The following TYW1 variants were observed in gnomAD, a reference collection of about 807,000 sequenced individuals.
TYW1 encodes the protein S-adenosyl-L-methionine-dependent tRNA 4-demethylwyosine synthase TYW1.
In TYW1, 46 loss-of-function variants were observed where a neutral mutation model predicts 96.2. That is an observed-to-expected ratio of 0.48 (90% CI 0.38 to 0.61). TYW1 has a LOEUF of 0.61. TYW1 is among the 20% of genes least tolerant of loss of function. The pLI is 0.00. For synonymous variants in TYW1, 274 were observed against 323.0 expected, an observed-to-expected ratio of 0.85 and a Z score of 1.63; for missense variants, 684 against 909.6, an observed-to-expected ratio of 0.75 and a Z score of 3.19.
intron 13 of TYW1, among the ~76,000 whole-genome samples, chr7:67,143,635 C>T (rs537547167): frequency 4.1e-4 from 62 of 152,148 alleles, no homozygotes; most frequent in African/African-American, 1.5e-3. Context: ...AGCATGGGGT[C>T]AGATGGGGAG....
chr7:67,238,240 T>C, intron 15 of TYW1, 68 bp from the exon 16 acceptor site: 1 of 1,578,106 alleles, frequency 6.3e-7, no homozygotes, highest in South Asian at 1.2e-5. Context: ...TTCATGATTT[T>C]AAAAACATTC....
chr7:67,214,252 T>G (rs1387614851), intron 15 of TYW1, among the ~76,000 whole-genome samples: 1 of 152,208 alleles, frequency 6.6e-6, no homozygotes, highest in Non-Finnish European at 1.5e-5. Flanking sequence ...CAATTTTTGA[T>G]GCTAATGTAA....
intron 12 of TYW1, among the ~76,000 whole-genome samples, chr7:67,102,294 C>G (rs537947630): frequency 1.7e-3 from 253 of 152,276 alleles, no homozygotes; most frequent in Non-Finnish European, 2.7e-3. Flanking sequence ...AAAATGCCGG[C>G]CACATTTGGT....
intron 9 of TYW1, among the ~76,000 whole-genome samples, chr7:67,062,566 C>CAAA (rs56770876): frequency 3.0e-4 from 27 of 89,162 alleles, no homozygotes; most frequent in African/African-American, 4.5e-4. Context: ...GACTCCGTCT[C>CAAA]AAAAAAAAAA....
At chr7:67,087,450 A>G (rs184122617) in intron 11 of TYW1, among the ~76,000 whole-genome samples, 2 of 152,344 alleles carry the variant, frequency 1.3e-5, no homozygotes, top group East Asian at 1.9e-4. Context: ...GAGCACGTCT[A>G]TGGATGCGTG....
At position 67,236,719 on chromosome 7, in the gene TYW1, T is replaced by C. The variant is rs192454422; in HGVS notation, c.1978-1589T>C. Among the ~76,000 whole-genome samples, 3 of 152,306 alleles carry C rather than the reference T, an allele frequency of 2.0e-5. No homozygotes were observed. In the East Asian group the frequency reaches 5.8e-4, roughly 29 times the overall value. On this transcript the variant is annotated intron_variant, in intron 15 of 15. Coordinates refer to ENST00000359626, the MANE Select transcript of TYW1 (RefSeq NM_018264.4). ...TAGAGTAATTAAACTTTTCCACATA[T>C]TCAGCATTTTCCCCCTAGAAAGCTC...
At chr7:67,083,341 GA>G (rs1796441703) in intron 10 of TYW1, 88 bp from the exon 11 acceptor site, 2 of 1,356,810 alleles carry the variant, frequency 1.5e-6, no homozygotes, top group Non-Finnish European at 2.1e-6. Context: ...CTGATTTTGT[GA>G]TTTTTAAAAA....
At chr7:67,087,496 G>A (rs2098206708) in intron 11 of TYW1, among the ~76,000 whole-genome samples, 1 of 152,178 alleles carries the variant, frequency 6.6e-6, no homozygotes, top group African/African-American at 2.4e-5. Context: ...TAAGATGGAA[G>A]GAATGATCCC....
chr7:67,048,191 T>TC (rs1374703557), intron 7 of TYW1, among the ~76,000 whole-genome samples: 8 of 146,636 alleles, frequency 5.5e-5, no homozygotes, highest in Non-Finnish European at 1.0e-4. Context: ...TGGGCCATCC[T>TC]CCCCTAGGTA....
intron 15 of TYW1, among the ~76,000 whole-genome samples, chr7:67,199,878 G>C (rs1769074270): frequency 6.6e-6 from 1 of 151,820 alleles, no homozygotes; most frequent in South Asian, 2.1e-4. Flanking sequence ...TTCCAGCCTG[G>C]GCGACAGAGC....
intron 11 of TYW1, among the ~76,000 whole-genome samples, chr7:67,093,446 T>A (rs2686995): frequency 6.6e-6 from 1 of 152,214 alleles, no homozygotes; most frequent in South Asian, 2.1e-4. Flanking sequence ...TGAATCCCAG[T>A]GGCCAGGGCC....
Position 67,098,714 on chromosome 7 carries a change from A to G in TYW1, c.1558A>G (p.Ile520Val). The change falls in exon 12 of 16, where the codon ATC becomes GTC. Residue 520 changes from isoleucine to valine, a missense_variant. Ile to Val is a conservative substitution (Grantham distance 29). Transcript: ENST00000359626. ...LVTNAQFPAE[I>V]RNLEPVTQLY... is the part of the protein sequence containing the mutation. ...CACAAACGCACAATTTCCTGCGGAA[A>G]TCAGGTGAGTTCTCCAGCCTATGGA... 1 of 1,613,466 alleles carries G rather than the reference A, an allele frequency of 6.2e-7. No homozygotes were observed. Among genetic ancestry groups the G allele is most frequent in the Non-Finnish European group, 8.5e-7 (1 of 1,179,614 alleles).
chr7:67,189,465 G>A (rs1287215349), intron 14 of TYW1, among the ~76,000 whole-genome samples: 3 of 152,022 alleles, frequency 2.0e-5, no homozygotes, highest in Non-Finnish European at 2.9e-5. Context: ...GTTTGTGTTT[G>A]TGTGTGTCTG....
intron 13 of TYW1, among the ~76,000 whole-genome samples, chr7:67,173,878 G>A (rs2690172): frequency 0.064 from 6,702 of 105,226 alleles, 458 homozygotes; most frequent in Middle Eastern, 0.15. Context: ...CTATTGATAT[G>A]ATCACGTGAT....
chr7:67,098,750 T>C lies in TYW1; in HGVS notation c.1562+32T>C, dbSNP rs368638529. On this transcript the variant is annotated intron_variant, in intron 12 of 15. Coordinates refer to ENST00000359626, the MANE Select transcript of TYW1 (RefSeq NM_018264.4). ...TCTCCAGCCTATGGAGAGATGCTGC[T>C]TGAATCTATGTTTCACTGCAAAGTA... 8 of 1,548,560 alleles carry C rather than the reference T, an allele frequency of 5.2e-6. No individual in the cohort carries two copies. In the African/African-American group the frequency reaches 1.1e-4, roughly 21 times the overall value.
intron 15 of TYW1, among the ~76,000 whole-genome samples, chr7:67,214,216 GTA>G (rs1801134788): frequency 6.6e-6 from 1 of 151,928 alleles, no homozygotes; most frequent in Non-Finnish European, 1.5e-5. Context: ...TATATATCCT[GTA>G]TATGTTTTGT....
At chr7:67,220,073 A>C (rs1801335026) in intron 15 of TYW1, among the ~76,000 whole-genome samples, 1 of 146,858 alleles carries the variant, frequency 6.8e-6, no homozygotes, top group Non-Finnish European at 1.5e-5. Flanking sequence ...TGGTGGTTTC[A>C]TTTTCATTAG....
intron 6 of TYW1, among the ~76,000 whole-genome samples, chr7:67,023,603 A>G (rs1794351165): frequency 1.3e-5 from 2 of 151,980 alleles, no homozygotes; most frequent in African/African-American, 4.8e-5. Context: ...CCCTGTCTCT[A>G]CTAAAAATAC....
At chr7:67,232,228 A>G (rs1050245505) in intron 15 of TYW1, among the ~76,000 whole-genome samples, 7 of 151,590 alleles carry the variant, frequency 4.6e-5, no homozygotes, top group East Asian at 3.9e-4. Context: ...GTCTGCGCCC[A>G]GCCACTGCCC....
Sources: allele counts gnomAD v4.1 joint callset (sites outside exome capture counted in the v4.1 genomes callset), GRCh38; gene constraint gnomAD v4.1.1; transcripts MANE v1.5; gene names NCBI Gene and HGNC (gene_info 2026-07-23, HGNC 2026-07-21).